The following VAV1 variants were observed in gnomAD, a reference collection of about 807,000 sequenced individuals.
VAV1 encodes the protein vav guanine nucleotide exchange factor 1.
A neutral mutation model predicts 128.1 loss-of-function variants in VAV1; 33 were observed. The ratio of observed to expected loss-of-function variants is 0.26; its 90% CI spans 0.20 to 0.34. The LOEUF (loss-of-function observed/expected upper bound fraction) is 0.34. Among genes scored for constraint, VAV1 ranks in the 10% least tolerant of loss-of-function variants. The pLI is 1.00. For synonymous variants in VAV1, 394 were observed against 409.8 expected, an observed-to-expected ratio of 0.96 and a Z score of 0.47; for missense variants, 715 against 1,093.7, an observed-to-expected ratio of 0.65 and a Z score of 4.88.
intron 14 of VAV1, 110 bp downstream of exon 14, chr19:6,830,028 T>C: frequency 6.6e-7 from 1 of 1,517,776 alleles, no homozygotes; most frequent in South Asian, 1.2e-5. Flanking sequence ...GAAGTGTGTG[T>C]TAATCCACTC....
rs761423035 is a variant in VAV1 at position 6,820,351 on chromosome 19, C to A, written c.205-351C>A. On this transcript the variant is annotated intron_variant, in intron 1 of 26. Coordinates refer to ENST00000602142, the MANE Select transcript of VAV1 (RefSeq NM_005428.4). This position sits in a 1 kb window ranked among gnomAD's most constrained non-coding sequence, Gnocchi z 4.4. ...CCTGGGCTCAGTGATCCACTCATCT[C>A]CGCCTCCTGAGTAGTTCAAAATGTT... Among the ~76,000 whole-genome samples the A allele has an allele frequency of 6.6e-6, 1 of 152,130 alleles. No individual in the cohort carries two copies. The highest frequency in any genetic ancestry group is 1.5e-5 in the Non-Finnish European group (1 of 68,024).
chr19:6,822,268 A>G lies in VAV1; in HGVS notation c.497A>G (p.Glu166Gly). 6.3e-7 allele frequency: 1 copy of G among 1,587,976 alleles called. No homozygotes were observed. The highest frequency in any genetic ancestry group is 8.6e-7 in the Non-Finnish European group (1 of 1,168,242). The change falls in exon 5 of 27, where the codon GAG becomes GGG. Residue 166 changes from glutamate to glycine, a missense_variant. Around this residue, in one of 3 missense-constraint regions of VAV1, gnomAD observed 302 missense variants for 477.8 expected, o/e 0.63. Transcript: ENST00000602142. The surrounding 1 kb of genome is among the most constrained non-coding windows in gnomAD (Gnocchi z 5.9). ...GACCTGTATGACTGCGTGGAGAATG[A>G]GGAGGCGGAAGGCGACGAGATCTAT... Reference protein sequence around the residue: ...DEDLYDCVENEEAEGDEIYED... With the variant: ...DEDLYDCVENGEAEGDEIYED...
intron 23 of VAV1, 142 bp from the exon 24 acceptor site, chr19:6,850,528 G>T: frequency 1.5e-6 from 1 of 676,544 alleles, no homozygotes; most frequent in Non-Finnish European, 2.6e-6. Context: ...CCCAGGGAAT[G>T]GGCTCTGTTG....
chr19:6,841,601 A>C (rs1165220835), intron 21 of VAV1, among the ~76,000 whole-genome samples: 2 of 151,716 alleles, frequency 1.3e-5, no homozygotes, highest in Non-Finnish European at 2.9e-5. Context: ...CAGCCTTCCA[A>C]ATAACTGGGA....
At chr19:6,843,309 G>T in intron 22 of VAV1, 143 bp downstream of exon 22, 1 of 932,362 alleles carries the variant, frequency 1.1e-6, no homozygotes, top group South Asian at 1.5e-5. Flanking sequence ...TCTGGGCTGG[G>T]GGCTGCTGGG....
chr19:6,791,687 C>T (rs1331902047), intron 1 of VAV1, among the ~76,000 whole-genome samples: 2 of 152,134 alleles, frequency 1.3e-5, no homozygotes, highest in Non-Finnish European at 2.9e-5. Context: ...AGACCCATTC[C>T]AGACAGTAAA....
intron 1 of VAV1, among the ~76,000 whole-genome samples, chr19:6,819,541 T>C (rs1025942911): frequency 6.6e-6 from 1 of 152,256 alleles, no homozygotes; most frequent in African/African-American, 2.4e-5. Flanking sequence ...GAACAGTATT[T>C]TGCTCCTTTT....
chr19:6,814,671 C>CCTTCCTTT, intron 1 of VAV1, among the ~76,000 whole-genome samples: 72 of 25,786 alleles, frequency 2.8e-3, no homozygotes, highest in South Asian at 4.2e-3. Context: ...TTCCTTCCTT[C>CCTTCCTTT]CTTTCTTTCT....
At chr19:6,813,559 A>G (rs2144752844) in intron 1 of VAV1, among the ~76,000 whole-genome samples, 1 of 152,180 alleles carries the variant, frequency 6.6e-6, no homozygotes, top group East Asian at 1.9e-4. Flanking sequence ...ATTACTGTAG[A>G]TTTATGGTGT....
chr19:6,841,478 CTTTTT>C (rs35484934), intron 21 of VAV1, among the ~76,000 whole-genome samples: 4 of 135,630 alleles, frequency 2.9e-5, no homozygotes, highest in African/African-American at 1.1e-4. Context: ...TTTTTCTTTT[CTTTTT>C]TTTTTTTTTT....
At chr19:6,800,227 C>T (rs897072893) in intron 1 of VAV1, among the ~76,000 whole-genome samples, 6 of 151,880 alleles carry the variant, frequency 4.0e-5, no homozygotes, top group African/African-American at 1.2e-4. Flanking sequence ...ACAAGGAAAA[C>T]GTACCAACTT....
At chr19:6,846,850 T>C (rs1479150270) in intron 22 of VAV1, among the ~76,000 whole-genome samples, 1 of 148,064 alleles carries the variant, frequency 6.8e-6, no homozygotes, top group African/African-American at 2.5e-5. Flanking sequence ...ATAACTATTA[T>C]TTATATTGAA....
Position 6,772,774 on chromosome 19 carries a change from A to C in VAV1, c.-34A>C. 19 of 1,601,030 alleles carry C rather than the reference A, an allele frequency of 1.2e-5. No homozygotes were observed. The highest frequency in any genetic ancestry group is 1.6e-5 in the Non-Finnish European group (19 of 1,173,860). On this transcript the variant is annotated 5_prime_UTR_variant, in exon 1 of 27. Coordinates refer to ENST00000602142, the MANE Select transcript of VAV1 (RefSeq NM_005428.4). This position sits in a 1 kb window ranked among gnomAD's most constrained non-coding sequence, Gnocchi z 4.8. Reference sequence around the variant, plus strand: ...GGGCGGGTGGGTGGTGGAGGCTGCGAGGGTGCACGGCCGGCCCTGGGCAGG... The same window carrying C: ...GGGCGGGTGGGTGGTGGAGGCTGCGCGGGTGCACGGCCGGCCCTGGGCAGG...
At chr19:6,816,491 GCT>G (rs145573343) in intron 1 of VAV1, 4 of 129,234 alleles carry the variant, frequency 3.1e-5, no homozygotes, top group Non-Finnish European at 6.4e-5. Flanking sequence ...TCTCTCTCTC[GCT>G]CTCTCTCTCT....
intron 24 of VAV1, among the ~76,000 whole-genome samples, chr19:6,852,023 A>G (rs915041533): frequency 3.5e-4 from 54 of 152,128 alleles, no homozygotes; most frequent in African/African-American, 1.2e-3. Context: ...TACTTTAAAA[A>G]AAATACAAGA....
chr19:6,784,278 G>A (rs751398430), intron 1 of VAV1: 46 of 549,954 alleles, frequency 8.4e-5, no homozygotes, highest in Non-Finnish European at 1.7e-5. Flanking sequence ...ATGCAGGTCT[G>A]TGGAAATCTC....
chr19:6,842,785 G>T (rs331683), intron 21 of VAV1, among the ~76,000 whole-genome samples: 1 of 151,944 alleles, frequency 6.6e-6, no homozygotes, highest in African/African-American at 2.4e-5. Context: ...AGTGAGCTAT[G>T]ATCATACTGC....
In VAV1 at chr19:6,820,781, A is replaced by G. The variant is rs763699001; in HGVS notation, c.284A>G (p.Glu95Gly). Residue 95 changes from glutamate (E) to glycine (G), a missense_variant, in exon 2 of 27, where the codon GAA becomes GGA. Transcript: ENST00000602142. This position sits in a 1 kb window ranked among gnomAD's most constrained non-coding sequence, Gnocchi z 4.4. ...GGCCTCAAGCGGAGCGAGCTCTTCG[A>G]AGCCTTTGACCTCTTCGATGTGCAG... Reference protein sequence around the residue: ...KFGLKRSELFEAFDLFDVQDF... With the variant: ...KFGLKRSELFGAFDLFDVQDF... The G allele has an allele frequency of 3.7e-6, 6 of 1,614,196 alleles. No homozygotes were observed. The highest frequency in any genetic ancestry group is 5.1e-6 in the Non-Finnish European group (6 of 1,180,030).
chr19:6,844,641 C>G (rs1457136685), intron 22 of VAV1, among the ~76,000 whole-genome samples: 7 of 152,104 alleles, frequency 4.6e-5, no homozygotes, highest in Non-Finnish European at 1.0e-4. Context: ...AGAGGCAAAA[C>G]CAGTTGCCGA....
Sources: allele counts gnomAD v4.1 joint callset (sites outside exome capture counted in the v4.1 genomes callset), GRCh38; gene constraint gnomAD v4.1.1; regional missense constraint gnomAD v4.1.1; non-coding constraint Gnocchi (gnomAD v3.1); transcripts MANE v1.5; gene names NCBI Gene and HGNC (gene_info 2026-07-23, HGNC 2026-07-21).